Variants in PHF14 observed in about 807,000 individuals in gnomAD.
The protein encoded by PHF14 is PHD finger protein 14.
In PHF14, 55 loss-of-function variants were observed where a neutral mutation model predicts 117.9. The observed-to-expected ratio is 0.47, with a 90% CI of 0.38 to 0.58. The LOEUF (loss-of-function observed/expected upper bound fraction) is 0.58. Among genes scored for constraint, PHF14 ranks in the 20% least tolerant of loss-of-function variants. The pLI is 0.00. For synonymous variants in PHF14, 409 were observed against 368.6 expected (o/e 1.11, Z -1.26); for missense variants, 978 against 1,122.2 (o/e 0.87, Z 1.84).
intron 16 of PHF14, chr7:11,063,721 T>C (rs1431507993): frequency 3.4e-6 from 3 of 871,286 alleles, no homozygotes; most frequent in African/African-American, 3.6e-5. Context: ...ACAATTTTTA[T>C]TTTAAAAATC....
Position 11,127,327 on chromosome 7 carries a change from A to T in PHF14, c.2772+15860A>T, listed in dbSNP as rs1478867686. Among the ~76,000 whole-genome samples, 3 of 148,956 alleles carry T rather than the reference A, an allele frequency of 2.0e-5. No homozygotes were observed. In the East Asian group the frequency reaches 6.0e-4, roughly 30 times the overall value. ...AGATGCCTTCTGTGGGTTACTTGTG[A>T]CTTCCTTTTCAGAACTTAGTTCCGT... On this transcript the variant is annotated intron_variant, in intron 17 of 17. Transcript: ENST00000634607.
intron 17 of PHF14, among the ~76,000 whole-genome samples, chr7:11,164,850 T>A (rs772081177): frequency 8.5e-5 from 13 of 152,222 alleles, no homozygotes; most frequent in Non-Finnish European, 1.8e-4. Flanking sequence ...CCAGGATTCC[T>A]CACTGCATTC....
At chr7:11,104,286 A>G (rs1787183830) in intron 16 of PHF14, 1 of 984,012 alleles carries the variant, frequency 1.0e-6, no homozygotes, top group Non-Finnish European at 1.2e-6. Flanking sequence ...TCTTTGTCAC[A>G]TGTTATACAT....
intron 17 of PHF14, among the ~76,000 whole-genome samples, chr7:11,160,545 C>T (rs1342317937): frequency 1.3e-5 from 2 of 152,134 alleles, no homozygotes; most frequent in Non-Finnish European, 2.9e-5. Flanking sequence ...TTCTCTGCAG[C>T]CTTCCCAGCA....
rs553552101 is a variant in PHF14, at chr7:11,105,399, T to A, written c.2655-5951T>A. On this transcript the variant is annotated intron_variant, in intron 16 of 17. Coordinates refer to ENST00000634607, the MANE Select transcript of PHF14 (RefSeq NM_001007157.2). ...ACCACTGGTTTTAAACAAAGTTACT[T>A]ATTTCATAAAACTCACCACTATTTT... 99 of 958,956 alleles carry A rather than the reference T, an allele frequency of 1.0e-4. No individual in the cohort carries two copies. The African/African-American group carries it at 1.7e-3, about 16-fold the overall frequency. The allele number at this position is 958,956 out of a possible 1,614,324, so 59.4% of individuals were successfully genotyped here. A position where few individuals can be genotyped will look rare whatever the true frequency, so the allele number is the denominator to read the frequency against.
Position 11,169,460 on chromosome 7 carries a change from C to T in PHF14, c.2817C>T (p.Leu939=), listed in dbSNP as rs117444431. ...AAAGAAAAAATATATCTCAGGAGCTCAACATGGAACAGAAAAATCCAAAGA... is the reference window on the plus strand; with the variant it reads ...AAAGAAAAAATATATCTCAGGAGCTTAACATGGAACAGAAAAATCCAAAGA... ...EAERKNISQE[L]NMEQKNPKK The change falls in exon 18 of 18, where the codon CTC becomes CTT. Residue 939 remains leucine (L), a synonymous_variant. Transcript: ENST00000634607. The T allele has an allele frequency of 6.3e-4, 950 of 1,518,166 alleles. 6 individuals carry two copies. The East Asian group carries it at 0.011, about 17-fold the overall frequency. The allele number at this position is 1,518,166 out of a possible 1,614,324, so 94.0% of individuals were successfully genotyped here.
At chr7:11,094,784 C>T (rs1247255909) in intron 16 of PHF14, among the ~76,000 whole-genome samples, 2 of 152,212 alleles carry the variant, frequency 1.3e-5, no homozygotes, top group East Asian at 3.8e-4. Context: ...CTCTTCCTCT[C>T]ATGCTCTGCC....
At chr7:11,121,700 G>C (rs964808118) in intron 17 of PHF14, among the ~76,000 whole-genome samples, 11 of 152,056 alleles carry the variant, frequency 7.2e-5, no homozygotes, top group African/African-American at 2.7e-4. Context: ...AGACAGCTAA[G>C]TGACTAACGA....
At chr7:11,161,282 C>T (rs191699779) in intron 17 of PHF14, among the ~76,000 whole-genome samples, 2 of 151,844 alleles carry the variant, frequency 1.3e-5, no homozygotes, top group Non-Finnish European at 1.5e-5. Flanking sequence ...TACAATGAGT[C>T]GAGTGTTGTA....
intron 16 of PHF14, among the ~76,000 whole-genome samples, chr7:11,080,113 G>C (rs1410623077): frequency 6.6e-6 from 1 of 152,054 alleles, no homozygotes; most frequent in African/African-American, 2.4e-5. Context: ...AAGTTTATTT[G>C]CACCTGTGAG....
intron 1 of PHF14, among the ~76,000 whole-genome samples, chr7:10,974,527 G>A (rs1470907296): frequency 1.3e-5 from 2 of 152,304 alleles, no homozygotes; most frequent in East Asian, 3.9e-4. Flanking sequence ...CGATGTCTAA[G>A]TGGGGGATTA....
intron 16 of PHF14, chr7:11,108,552 A>G (rs1177503565): frequency 6.6e-6 from 1 of 151,780 alleles, no homozygotes; most frequent in Non-Finnish European, 1.5e-5. Context: ...ATGTCGACTA[A>G]GTAATTCTGA....
rs1255192941 is a variant in PHF14 at position 10,974,135 on chromosome 7, C to G, written c.-189C>G. On this transcript the variant is annotated 5_prime_UTR_variant, in exon 1 of 18. Coordinates refer to ENST00000634607, the MANE Select transcript of PHF14 (RefSeq NM_001007157.2). ...TCGAGCGGCCAGGGCCAGGCGAGGC[C>G]GGGGGGGCGGGGGGTTAGGGGACCG... The G allele has an allele frequency of 3.5e-6, 2 of 571,894 alleles. No homozygotes were observed. Among genetic ancestry groups the G allele is most frequent in the Non-Finnish European group, 6.3e-6 (2 of 319,844 alleles). The allele number at this position is 571,894 out of a possible 1,614,324, so 35.4% of individuals were successfully genotyped here.
chr7:11,122,287 G>A (rs576229412), intron 17 of PHF14, among the ~76,000 whole-genome samples: 1 of 139,984 alleles, frequency 7.1e-6, no homozygotes, highest in South Asian at 2.3e-4. Flanking sequence ...CTGAAACCTG[G>A]GAAAGCAAAA....
intron 4 of PHF14, 60 bp from the exon 5 acceptor site, chr7:11,013,687 A>T: frequency 1.9e-5 from 17 of 908,708 alleles, no homozygotes; most frequent in South Asian, 4.7e-5. Context: ...TTCTTTTGTG[A>T]TTTTATGTGA....
intron 16 of PHF14, among the ~76,000 whole-genome samples, chr7:11,084,579 A>G (rs1786305485): frequency 6.6e-6 from 1 of 152,110 alleles, no homozygotes; most frequent in South Asian, 2.1e-4. Flanking sequence ...AGTAGCTACA[A>G]AATATAATTT....
chr7:11,093,607 CTG>C (rs1184377733), intron 16 of PHF14, among the ~76,000 whole-genome samples: 1 of 152,180 alleles, frequency 6.6e-6, no homozygotes, highest in African/African-American at 2.4e-5. Context: ...CCCCATTGCA[CTG>C]TCTTTCCTCT....
At chr7:11,040,563 C>G (rs1268270013) in intron 11 of PHF14, 109 bp from the exon 12 acceptor site, 5 of 438,214 alleles carry the variant, frequency 1.1e-5, no homozygotes, top group Non-Finnish European at 2.0e-5. Flanking sequence ...AAGCAGATTT[C>G]CCCCTAACAA....
At chr7:11,152,443 A>G (rs1414783303) in intron 17 of PHF14, among the ~76,000 whole-genome samples, 1 of 152,118 alleles carries the variant, frequency 6.6e-6, no homozygotes, top group East Asian at 1.9e-4. Flanking sequence ...AACGAACGTA[A>G]ATACAAGCCT....
Sources: gnomAD v4.1 joint callset for allele counts (sites outside exome capture counted in the v4.1 genomes callset) on GRCh38, gnomAD v4.1.1 for gene constraint, MANE v1.5 for transcripts, NCBI Gene and HGNC (gene_info 2026-07-23, HGNC 2026-07-21) for gene names.